KAZN: variants seen among roughly 807,000 people sequenced by gnomAD.
The protein encoded by KAZN is kazrin, periplakin interacting protein.
KAZN carries 40 observed loss-of-function variants against 87.4 expected under a neutral mutation model. The observed-to-expected ratio is 0.46, with a 90% CI of 0.36 to 0.60. KAZN has a LOEUF of 0.60. KAZN is among the 20% of genes least tolerant of loss of function. The probability of loss-of-function intolerance (pLI) is 0.00; values close to 1 mark genes in which losing one functional copy is unlikely to be tolerated. For synonymous variants in KAZN, 466 were observed against 458.3 expected, an observed-to-expected ratio of 1.02 and a Z score of -0.22; for missense variants, 898 against 1,073.9, an observed-to-expected ratio of 0.84 and a Z score of 2.29.
chr1:14,760,169 T>G (rs1382075777), intron 1 of KAZN, among the ~76,000 whole-genome samples: 1 of 152,080 alleles, frequency 6.6e-6, no homozygotes, highest in African/African-American at 2.4e-5. Context: ...TCGCCTGGCT[T>G]CCCTTCCTTC....
chr1:15,046,258 G>GC (rs1277010811), intron 4 of KAZN, among the ~76,000 whole-genome samples: 1 of 146,298 alleles, frequency 6.8e-6, no homozygotes, highest in African/African-American at 2.6e-5. Flanking sequence ...AGGTCAAGCC[G>GC]CTGCACTCCA....
chr1:14,867,724 A>ACCCCCCCCC (rs1553148134), intron 1 of KAZN, among the ~76,000 whole-genome samples: 106 of 107,458 alleles, frequency 9.9e-4, no homozygotes, highest in African/African-American at 1.2e-3. Context: ...CTTTGAAGAC[A>ACCCCCCCCC]CCCCCCCCCC....
intron 1 of KAZN, among the ~76,000 whole-genome samples, chr1:14,128,106 G>A (rs1202185352): frequency 6.6e-6 from 1 of 152,190 alleles, no homozygotes; most frequent in Non-Finnish European, 1.5e-5. Context: ...AGCCAGTGGG[G>A]CAGTGAGCTC....
chr1:14,942,673 G>A (rs933143251), intron 1 of KAZN, among the ~76,000 whole-genome samples: 2 of 152,170 alleles, frequency 1.3e-5, no homozygotes, highest in African/African-American at 4.8e-5. Context: ...GGGGTCTTTG[G>A]CTTGATGGAA....
intron 2 of KAZN, among the ~76,000 whole-genome samples, chr1:14,419,491 T>TA (rs1665175442): frequency 2.6e-5 from 4 of 152,226 alleles, no homozygotes; most frequent in Admixed American, 2.6e-4. Flanking sequence ...TCCCTGGACT[T>TA]ACCAGAGTGT....
chr1:14,992,383 G>A (rs1032805116), intron 2 of KAZN, among the ~76,000 whole-genome samples: 6 of 152,140 alleles, frequency 3.9e-5, no homozygotes, highest in African/African-American at 4.8e-5. Context: ...TGTGAGCACC[G>A]TGCCAGCCCG....
chr1:13,983,998 T>C lies in KAZN; in HGVS notation c.91+90242T>C, dbSNP rs534876242. 7.9e-5 allele frequency among the ~76,000 whole-genome samples: 12 copies of C among 151,224 alleles called. No individual in the cohort carries two copies. In the South Asian group the frequency reaches 2.3e-3, roughly 29 times the overall value. On this transcript the variant is annotated intron_variant, in intron 1 of 16. Transcript: ENST00000636203. ...AATTACTTGTTTGGGGCCACATTTA[T>C]TTGGATTATTTTTATTTTCTATTTT...
intron 2 of KAZN, among the ~76,000 whole-genome samples, chr1:14,524,997 C>A (rs1212522718): frequency 6.6e-6 from 1 of 152,252 alleles, no homozygotes; most frequent in Non-Finnish European, 1.5e-5. Context: ...CAGTGATCTA[C>A]TCCAAACCCC....
At chr1:14,064,808 G>A (rs1570650955) in intron 1 of KAZN, among the ~76,000 whole-genome samples, 1 of 152,246 alleles carries the variant, frequency 6.6e-6, no homozygotes, top group East Asian at 1.9e-4. Flanking sequence ...GCTCGGTGGT[G>A]GAGTTTGGGA....
rs1000129778 is a variant in KAZN at position 14,820,779 on chromosome 1, A to G, written c.227-139905A>G. ...TGGTTTGAATGGAGTAGAAGATTCC[A>G]GAGGAAGAGCAGTGGGGCACAGTGG... On this transcript the variant is annotated intron_variant, in intron 1 of 14. Transcript: ENST00000376030. The surrounding 1 kb of genome is among the most constrained non-coding windows in gnomAD (Gnocchi z 4.1). Among the ~76,000 whole-genome samples, 2 of 152,218 alleles carry G rather than the reference A, an allele frequency of 1.3e-5. No homozygotes were observed. Among genetic ancestry groups the G allele is most frequent in the Non-Finnish European group, 2.9e-5 (2 of 68,032 alleles).
At chr1:14,924,534 T>A in intron 1 of KAZN, 1 of 1,008,358 alleles carries the variant, frequency 9.9e-7, no homozygotes, top group Admixed American at 6.0e-5. Context: ...CGCGCCGGGG[T>A]TCCCCGGGTC....
At chr1:14,350,694 T>C (rs970750469) in intron 2 of KAZN, among the ~76,000 whole-genome samples, 2 of 152,338 alleles carry the variant, frequency 1.3e-5, no homozygotes, top group African/African-American at 2.4e-5. Context: ...CTAGGTGGTC[T>C]AATGCAGTGG....
chr1:14,102,974 T>A (rs995487062), intron 1 of KAZN, among the ~76,000 whole-genome samples: 2 of 151,608 alleles, frequency 1.3e-5, no homozygotes, highest in African/African-American at 4.9e-5. Context: ...AGTGGCATGA[T>A]CTCAGCTCAC....
intron 1 of KAZN, among the ~76,000 whole-genome samples, chr1:14,149,533 C>T (rs1207108696): frequency 6.6e-6 from 1 of 152,148 alleles, no homozygotes; most frequent in Non-Finnish European, 1.5e-5. Context: ...CTCAGTTCCT[C>T]CCATCTCGTT....
Position 14,170,056 on chromosome 1 carries a change from C to G in KAZN, c.92-10379C>G, listed in dbSNP as rs375865568. On this transcript the variant is annotated intron_variant, in intron 1 of 16. Coordinates refer to the KAZN transcript ENST00000636203. ...TGGGCTTGGCTTTCTAAAAATGGAG[C>G]CACATTGATCCTCCAAGGTGTGGAT... is the stretch of plus-strand genomic sequence containing the variant. Among the ~76,000 whole-genome samples, 109 of 152,260 alleles carry G rather than the reference C, an allele frequency of 7.2e-4. 1 individual carries two copies. In the South Asian group the frequency reaches 0.019, roughly 26 times the overall value.
intron 2 of KAZN, among the ~76,000 whole-genome samples, chr1:14,249,828 C>T (rs1178982111): frequency 6.6e-6 from 1 of 151,942 alleles, no homozygotes. Flanking sequence ...AAATGAGGTT[C>T]TCAGTCTTGT....
chr1:14,741,433 T>C (rs1257691436), intron 1 of KAZN, among the ~76,000 whole-genome samples: 1 of 152,222 alleles, frequency 6.6e-6, no homozygotes, highest in African/African-American at 2.4e-5. Context: ...CTTGGGTTTG[T>C]TGGCTTTTAG....
At chr1:14,036,011 A>C (rs1269908219) in intron 1 of KAZN, among the ~76,000 whole-genome samples, 1 of 152,222 alleles carries the variant, frequency 6.6e-6, no homozygotes, top group Non-Finnish European at 1.5e-5. Context: ...GAGTCTGAAA[A>C]GGCTTTATAG....
rs141495001 is a variant in KAZN, at chr1:14,224,493, A to C, written c.249+43901A>C. ...GGATACCACCTCTTGGATCTGGGTGATGCCAACAGATGCCAGAGAAAACTT... is the reference window on the plus strand; with the variant it reads ...GGATACCACCTCTTGGATCTGGGTGCTGCCAACAGATGCCAGAGAAAACTT... On this transcript the variant is annotated intron_variant, in intron 2 of 16. Transcript: ENST00000636203. Among the ~76,000 whole-genome samples, 348 of 152,352 alleles carry C rather than the reference A, an allele frequency of 2.3e-3. 1 individual carries two copies. Among genetic ancestry groups the C allele is most frequent in the Middle Eastern group, 3.4e-3 (1 of 294 alleles).
Sources: gnomAD v4.1 joint callset for allele counts (sites outside exome capture counted in the v4.1 genomes callset) on GRCh38, gnomAD v4.1.1 for gene constraint, Gnocchi (gnomAD v3.1) non-coding constraint, MANE v1.5 for transcripts, NCBI Gene and HGNC (gene_info 2026-07-23, HGNC 2026-07-21) for gene names.